VAV2: variants seen among roughly 807,000 people sequenced by gnomAD.
VAV2 encodes guanine nucleotide exchange factor VAV2.
A neutral mutation model predicts 132.5 loss-of-function variants in VAV2; 67 were observed. The ratio of observed to expected loss-of-function variants is 0.51; its 90% CI spans 0.42 to 0.62. The LOEUF (loss-of-function observed/expected upper bound fraction) is 0.62. VAV2 is among the 20% of genes least tolerant of loss of function. The pLI is 0.00. For synonymous variants in VAV2, 492 were observed against 443.5 expected, an observed-to-expected ratio of 1.11 and a Z score of -1.37; for missense variants, 938 against 1,153.6, an observed-to-expected ratio of 0.81 and a Z score of 2.71.
chr9:133,832,498 G>A (rs1836301358), intron 4 of VAV2, among the ~76,000 whole-genome samples: 1 of 152,188 alleles, frequency 6.6e-6, no homozygotes, highest in African/African-American at 2.4e-5. Context: ...GGGTTGAGAT[G>A]GACAGTCCCT....
rs572311550 is a variant in VAV2 at position 133,991,992 on chromosome 9, C to CGCT, written c.204+80_204+82dup. 1.7e-3 allele frequency: 2,076 copies of CGCT among 1,188,732 alleles called. 23 individuals carry two copies. In the African/African-American group the frequency reaches 0.029, roughly 17 times the overall value. 73.6% of individuals were successfully genotyped at this position (1,188,732 alleles called of 1,614,324 possible). A position where few individuals can be genotyped will look rare whatever the true frequency, so the allele number is the denominator to read the frequency against. ...CCAGCCAGGGCGCCTGGGCCGCCGC[C>CGCT]GCTGCGACCTCCGCGTTCAGTCCGC... On this transcript the variant is annotated intron_variant, in intron 1 of 29. Transcript: ENST00000371850. This position sits in a 1 kb window ranked among gnomAD's most constrained non-coding sequence, Gnocchi z 4.8.
intron 1 of VAV2, among the ~76,000 whole-genome samples, chr9:133,959,000 T>A (rs1410377789): frequency 6.6e-6 from 1 of 151,728 alleles, no homozygotes; most frequent in African/African-American, 2.4e-5. Flanking sequence ...CCCAGGGAAG[T>A]GAGAGGTGCC....
chr9:133,781,023 G>A (rs890430387), intron 19 of VAV2, among the ~76,000 whole-genome samples: 1 of 152,216 alleles, frequency 6.6e-6, no homozygotes, highest in Admixed American at 6.5e-5. Context: ...TTGAATGGCG[G>A]CAGCTGCCTG....
Position 133,826,783 on chromosome 9 carries a change from G to T in VAV2, c.449+7489C>A, listed in dbSNP as rs1227094236. Among the ~76,000 whole-genome samples, 1 of 152,120 alleles carries T rather than the reference G, an allele frequency of 6.6e-6. No homozygotes were observed. Among genetic ancestry groups the T allele is most frequent in the Non-Finnish European group, 1.5e-5 (1 of 68,012 alleles). On this transcript the variant is annotated intron_variant, in intron 4 of 29. Coordinates refer to ENST00000371850, the MANE Select transcript of VAV2 (RefSeq NM_001134398.2). The surrounding 1 kb of genome is among the most constrained non-coding windows in gnomAD (Gnocchi z 4.2). The stretch of plus-strand genomic sequence containing the variant: ...TTCAATTCCCCTAAGAATTCTCGGG[G>T]ACCTCTGACCTGCCGGCACCACGGG...
In VAV2 at chr9:133,884,771, C is replaced by T. The variant is rs1029869267; in HGVS notation, c.322-23339G>A. 6.6e-6 allele frequency among the ~76,000 whole-genome samples: 1 copy of T among 152,182 alleles called. No homozygotes were observed. The highest frequency in any genetic ancestry group is 1.5e-5 in the Non-Finnish European group (1 of 68,042). On this transcript the variant is annotated intron_variant, in intron 2 of 29. Coordinates refer to ENST00000371850, the MANE Select transcript of VAV2 (RefSeq NM_001134398.2). This position sits in a 1 kb window ranked among gnomAD's most constrained non-coding sequence, Gnocchi z 5.3. ...AACACACGGATAAGCTTGACGGCTCCGTGAGAATGCTGGTAGGGAGCAGAA... is the reference window on the plus strand; with the variant it reads ...AACACACGGATAAGCTTGACGGCTCTGTGAGAATGCTGGTAGGGAGCAGAA...
rs1210761600 is a variant in VAV2, at chr9:133,769,660, G to C, written c.2348-157C>G. On this transcript the variant is annotated intron_variant, in intron 27 of 29. Coordinates refer to ENST00000371850, the MANE Select transcript of VAV2 (RefSeq NM_001134398.2). This position sits in a 1 kb window ranked among gnomAD's most constrained non-coding sequence, Gnocchi z 8.1. Reference sequence around the variant, plus strand: ...AAGGAGGCAGGGGGCAGCACGGGTTGTCAAGCCCCACCCAGGCACAGGTGC... The same window carrying C: ...AAGGAGGCAGGGGGCAGCACGGGTTCTCAAGCCCCACCCAGGCACAGGTGC... 6.6e-6 allele frequency among the ~76,000 whole-genome samples: 1 copy of C among 152,198 alleles called. No individual in the cohort carries two copies. Among genetic ancestry groups the C allele is most frequent in the Non-Finnish European group, 1.5e-5 (1 of 68,014 alleles).
Position 133,906,582 on chromosome 9 carries a change from T to C in VAV2, c.321+32521A>G, listed in dbSNP as rs571694690. On this transcript the variant is annotated intron_variant, in intron 2 of 29. Transcript: ENST00000371850. ...GAAACCAGGTCCATGAAAACACTGA[T>C]GAGACCATGGTTGGGCGGAGCCTCA... Among the ~76,000 whole-genome samples the C allele has an allele frequency of 5.3e-5, 8 of 152,210 alleles. 1 individual carries two copies. The highest frequency in any genetic ancestry group is 6.8e-3 in the Middle Eastern group (2 of 294).
chr9:133,954,430 C>T (rs542182322), intron 1 of VAV2, among the ~76,000 whole-genome samples: 53 of 152,370 alleles, frequency 3.5e-4, no homozygotes, highest in Admixed American at 9.8e-4. Flanking sequence ...GGAGCTTTCT[C>T]GCCTGGTGCT....
chr9:133,779,575 G>A (rs1833933837), intron 21 of VAV2, among the ~76,000 whole-genome samples: 1 of 152,268 alleles, frequency 6.6e-6, no homozygotes, highest in Non-Finnish European at 1.5e-5. Flanking sequence ...CAGCAAGGCA[G>A]GAAGGGGATG....
At chr9:133,855,587 G>A (rs542952748) in intron 3 of VAV2, among the ~76,000 whole-genome samples, 2 of 152,304 alleles carry the variant, frequency 1.3e-5, no homozygotes, top group Non-Finnish European at 1.5e-5. Flanking sequence ...TGCACGAGCC[G>A]CATCTTAGGT....
chr9:133,970,826 T>TGAG (rs1842307518), intron 1 of VAV2, among the ~76,000 whole-genome samples: 2 of 152,166 alleles, frequency 1.3e-5, no homozygotes, highest in Admixed American at 6.5e-5. Context: ...TCACAGTAAA[T>TGAG]GCAAACGGCT....
intron 3 of VAV2, among the ~76,000 whole-genome samples, chr9:133,847,118 G>C (rs1836964303): frequency 6.6e-6 from 1 of 152,184 alleles, no homozygotes; most frequent in Non-Finnish European, 1.5e-5. Context: ...GTTCCAATCA[G>C]AACTGGCCAT....
chr9:133,871,338 GA>G (rs1247488698), intron 2 of VAV2, among the ~76,000 whole-genome samples: 1 of 151,400 alleles, frequency 6.6e-6, no homozygotes, highest in African/African-American at 2.4e-5. Flanking sequence ...TGGATGAATG[GA>G]GGGGCGGATG....
chr9:133,875,756 G>A (rs1370355796), intron 2 of VAV2, among the ~76,000 whole-genome samples: 1 of 152,172 alleles, frequency 6.6e-6, no homozygotes, highest in Non-Finnish European at 1.5e-5. Flanking sequence ...CGTTTGTGAT[G>A]GCTAATGTGG....
chr9:133,971,924 G>A (rs1842348757), intron 1 of VAV2, among the ~76,000 whole-genome samples: 1 of 152,166 alleles, frequency 6.6e-6, no homozygotes, highest in Non-Finnish European at 1.5e-5. Context: ...CGAGCCCTTG[G>A]TCACTTCAAA....
chr9:133,772,453 G>A (rs879874902), intron 25 of VAV2, among the ~76,000 whole-genome samples: 18 of 152,088 alleles, frequency 1.2e-4, no homozygotes, highest in Admixed American at 3.3e-4. Flanking sequence ...GCCAGGCCTC[G>A]GGCCTGCTCC....
At chr9:133,964,230 C>T (rs967070150) in intron 1 of VAV2, among the ~76,000 whole-genome samples, 29 of 150,446 alleles carry the variant, frequency 1.9e-4, no homozygotes, top group African/African-American at 5.4e-4. Context: ...CAGTGGCACA[C>T]GCCTGTAGTC....
At chr9:133,941,611 G>T (rs1264605129) in intron 1 of VAV2, among the ~76,000 whole-genome samples, 27 of 7,856 alleles carry the variant, frequency 3.4e-3, no homozygotes, top group Non-Finnish European at 6.5e-3. Flanking sequence ...TTTTTTTTGG[G>T]GGGGGGGGGG....
At chr9:133,814,306 C>T (rs1835471904) in intron 4 of VAV2, among the ~76,000 whole-genome samples, 1 of 152,258 alleles carries the variant, frequency 6.6e-6, no homozygotes, top group South Asian at 2.1e-4. Flanking sequence ...ACACAGCCCC[C>T]ACCTCTCTGC....
Sources: gnomAD v4.1 joint callset for allele counts (sites outside exome capture counted in the v4.1 genomes callset) on GRCh38, gnomAD v4.1.1 for gene constraint, Gnocchi (gnomAD v3.1) non-coding constraint, MANE v1.5 for transcripts, NCBI Gene and HGNC (gene_info 2026-07-23, HGNC 2026-07-21) for gene names.